Variants in ADGRL3 observed in about 807,000 individuals in gnomAD.
ADGRL3 encodes the protein adhesion G protein-coupled receptor L3.
Under a neutral mutation model 153.5 loss-of-function variants are expected in ADGRL3, and 62 were observed. The observed-to-expected ratio is 0.40, with a 90% confidence interval of 0.33 to 0.50. The LOEUF is 0.50. Among genes scored for constraint, ADGRL3 ranks in the 20% least tolerant of loss-of-function variants. The probability of loss-of-function intolerance (pLI) is 0.47; values close to 1 mark genes in which losing one functional copy is unlikely to be tolerated. For missense variants in ADGRL3, 1,641 were observed against 1,859.4 expected, an observed-to-expected ratio of 0.88 and a Z score of 2.16; for synonymous variants, 710 against 672.5, an observed-to-expected ratio of 1.06 and a Z score of -0.86.
chr4:61,400,301 T>C (rs915699091), intron 2 of ADGRL3, among the ~76,000 whole-genome samples: 3 of 151,886 alleles, frequency 2.0e-5, no homozygotes, highest in Admixed American at 2.0e-4. Flanking sequence ...CATTTATTAC[T>C]TTACTATATC....
chr4:61,783,225 G>A (rs188997601), intron 8 of ADGRL3, among the ~76,000 whole-genome samples: 1 of 152,054 alleles, frequency 6.6e-6, no homozygotes, highest in East Asian at 1.9e-4. Flanking sequence ...ACTCATTTTG[G>A]GATTTCATTA....
chr4:62,027,492 A>T (rs1404512698), intron 21 of ADGRL3, among the ~76,000 whole-genome samples: 1 of 151,976 alleles, frequency 6.6e-6, no homozygotes, highest in Admixed American at 6.6e-5. Flanking sequence ...GCCAGACATG[A>T]CTAGTGATCA....
intron 21 of ADGRL3, among the ~76,000 whole-genome samples, chr4:61,998,890 T>G (rs1261600012): frequency 2.6e-5 from 4 of 152,054 alleles, no homozygotes; most frequent in African/African-American, 9.7e-5. Context: ...TTATTGTTTC[T>G]TAGAGCAATT....
At chr4:61,601,364 T>A (rs1375164986) in intron 5 of ADGRL3, among the ~76,000 whole-genome samples, 2 of 152,184 alleles carry the variant, frequency 1.3e-5, no homozygotes, top group Non-Finnish European at 2.9e-5. Context: ...AACACAATCT[T>A]AATTTTAGTA....
At chr4:61,947,190 G>GT in intron 16 of ADGRL3, 68 bp downstream of exon 16, 8 of 1,220,094 alleles carry the variant, frequency 6.6e-6, no homozygotes, top group Non-Finnish European at 9.4e-6. Context: ...AACATTAAGT[G>GT]TATTAATTTT....
chr4:61,286,421 G>A (rs62312928), intron 1 of ADGRL3, among the ~76,000 whole-genome samples: 3,729 of 151,166 alleles, frequency 0.025, 61 homozygotes, highest in Non-Finnish European at 0.039. Flanking sequence ...AATTTTAAAA[G>A]GATGTTGATT....
intron 8 of ADGRL3, among the ~76,000 whole-genome samples, chr4:61,812,233 A>G (rs1239238616): frequency 6.6e-6 from 1 of 152,178 alleles, no homozygotes; most frequent in East Asian, 1.9e-4. Context: ...TTCCACTGAA[A>G]CATGGCCAGT....
At chr4:61,657,391 T>C (rs910975298) in intron 5 of ADGRL3, among the ~76,000 whole-genome samples, 1 of 151,176 alleles carries the variant, frequency 6.6e-6, no homozygotes. Flanking sequence ...TATATGTCTA[T>C]ATATATATAT....
At chr4:61,315,139 G>T (rs949086634) in intron 1 of ADGRL3, among the ~76,000 whole-genome samples, 2 of 152,152 alleles carry the variant, frequency 1.3e-5, no homozygotes, top group Non-Finnish European at 2.9e-5. Context: ...GTAAGGAAGG[G>T]TGTGGAGAGG....
intron 4 of ADGRL3, among the ~76,000 whole-genome samples, chr4:61,586,550 G>A (rs565471156): frequency 6.6e-6 from 1 of 152,100 alleles, no homozygotes; most frequent in Admixed American, 6.6e-5. Context: ...AGTGAAAAGA[G>A]GAGCGGGAGA....
At chr4:61,532,818 G>C (rs1328058102) in intron 4 of ADGRL3, among the ~76,000 whole-genome samples, 1 of 151,444 alleles carries the variant, frequency 6.6e-6, no homozygotes, top group Non-Finnish European at 1.5e-5. Context: ...TAGCATCTCA[G>C]CGGATCAGCA....
chr4:61,787,980 C>T (rs997431626), intron 8 of ADGRL3, among the ~76,000 whole-genome samples: 1 of 152,092 alleles, frequency 6.6e-6, no homozygotes, highest in Admixed American at 6.6e-5. Flanking sequence ...TACTGCAAAA[C>T]CAATAGCTGT....
At chr4:61,377,722 T>G (rs1478913810) in intron 1 of ADGRL3, among the ~76,000 whole-genome samples, 1 of 151,928 alleles carries the variant, frequency 6.6e-6, no homozygotes, top group East Asian at 1.9e-4. Flanking sequence ...CATTCCCTCT[T>G]TTTTTGCTCA....
At chr4:61,889,852 G>T (rs973812738) in intron 9 of ADGRL3, among the ~76,000 whole-genome samples, 7 of 152,152 alleles carry the variant, frequency 4.6e-5, no homozygotes, top group African/African-American at 1.7e-4. Flanking sequence ...TGTGTAGTTT[G>T]TCATAGTGAA....
chr4:61,638,301 C>A (rs1424639069), intron 5 of ADGRL3, among the ~76,000 whole-genome samples: 1 of 152,098 alleles, frequency 6.6e-6, no homozygotes, highest in Non-Finnish European at 1.5e-5. Flanking sequence ...GAATTTAATA[C>A]TGTATGATTT....
intron 5 of ADGRL3, among the ~76,000 whole-genome samples, chr4:61,603,787 A>G (rs1053412038): frequency 1.2e-4 from 18 of 152,122 alleles, no homozygotes; most frequent in Admixed American, 9.8e-4. Context: ...TAATGGCACC[A>G]TTTACCCTGG....
At chr4:61,287,978 T>TC (rs1250433424) in intron 1 of ADGRL3, among the ~76,000 whole-genome samples, 10 of 151,874 alleles carry the variant, frequency 6.6e-5, no homozygotes, top group Non-Finnish European at 2.9e-5. Flanking sequence ...ATTCACTCTC[T>TC]CCCCCTTACT....
At chr4:61,392,684 C>CAAAAAAAAA (rs397993633) in intron 2 of ADGRL3, among the ~76,000 whole-genome samples, 378 of 13,374 alleles carry the variant, frequency 0.028, 96 homozygotes, top group Admixed American at 0.034. Flanking sequence ...GACTCCATCT[C>CAAAAAAAAA]AAAAAAAAAA....
rs1577800790 is a variant in ADGRL3 at position 62,076,933 on chromosome 4, A to T, written c.*6025A>T. On this transcript the variant is annotated 3_prime_UTR_variant, in exon 27 of 27. Coordinates refer to ENST00000683033, the MANE Select transcript of ADGRL3 (RefSeq NM_001387552.1). Reference sequence around the variant, plus strand: ...TTATGTACATTATACAAAATAATTCATAACCAAGAAATATTCATACTATAG... The same window carrying T: ...TTATGTACATTATACAAAATAATTCTTAACCAAGAAATATTCATACTATAG... 1 of 151,430 alleles carries T rather than the reference A, an allele frequency of 6.6e-6. No individual in the cohort carries two copies. The highest frequency in any genetic ancestry group is 6.6e-5 in the Admixed American group (1 of 15,180). 9.4% of individuals were successfully genotyped at this position (151,430 alleles called of 1,614,324 possible).
Sources: allele counts gnomAD v4.1 joint callset (sites outside exome capture counted in the v4.1 genomes callset), GRCh38; gene constraint gnomAD v4.1.1; transcripts MANE v1.5; gene names NCBI Gene and HGNC (gene_info 2026-07-23, HGNC 2026-07-21).